Variants in ARHGAP21 observed in about 807,000 individuals in gnomAD.
ARHGAP21 encodes the protein rho GTPase-activating protein 21.
ARHGAP21 carries 38 observed loss-of-function variants against 164.6 expected under a neutral mutation model. The observed-to-expected ratio is 0.23, with a 90% CI of 0.18 to 0.30. The LOEUF (loss-of-function observed/expected upper bound fraction) is 0.30. Among genes scored for constraint, ARHGAP21 ranks in the 10% least tolerant of loss-of-function variants. The probability of loss-of-function intolerance (pLI) is 1.00; values close to 1 mark genes in which losing one functional copy is unlikely to be tolerated. For synonymous variants in ARHGAP21, 766 were observed against 857.9 expected, an observed-to-expected ratio of 0.89 and a Z score of 1.87; for missense variants, 1,822 against 2,370.7, an observed-to-expected ratio of 0.77 and a Z score of 4.81.
chr10:24,592,119 T>C, intron 21 of ARHGAP21, 107 bp from the exon 22 acceptor site: 1 of 1,072,216 alleles, frequency 9.3e-7, no homozygotes. Flanking sequence ...GAAAAATAGC[T>C]TTGATGTAGA....
chr10:24,592,156 A>ATTTTTTTTTT (rs57846258), intron 21 of ARHGAP21, 144 bp from the exon 22 acceptor site: 1 of 205,774 alleles, frequency 4.9e-6, no homozygotes, highest in Non-Finnish European at 7.5e-6. Flanking sequence ...TTCTAGCAAG[A>ATTTTTTTTTT]TTTTTTTTTT....
In ARHGAP21 at chr10:24,584,637, G is replaced by C; in HGVS notation, c.5652C>G (p.Ala1884=). The stretch of plus-strand genomic sequence containing the variant: ...GAAGAGACAAAGGTGTGTCGGTCGT[G>C]GCTATTTCTCGTGTGCTTGGGTTCT... ...QTENPSTREI[A]TTDTPLSLHC... is the part of the protein sequence containing the mutation. Residue 1884 remains alanine, a synonymous_variant, in exon 26 of 26, where the codon GCC becomes GCG. Coordinates refer to ENST00000396432, the MANE Select transcript of ARHGAP21 (RefSeq NM_020824.4). 6.2e-7 allele frequency: 1 copy of C among 1,613,942 alleles called. No individual in the cohort carries two copies. Among genetic ancestry groups the C allele is most frequent in the South Asian group, 1.1e-5 (1 of 91,062 alleles).
intron 4 of ARHGAP21, among the ~76,000 whole-genome samples, chr10:24,636,838 A>G (rs1409897269): frequency 2.0e-5 from 3 of 152,208 alleles, no homozygotes; most frequent in Non-Finnish European, 2.9e-5. Context: ...TGTGTGCTAC[A>G]CTTTATTTTT....
intron 6 of ARHGAP21, among the ~76,000 whole-genome samples, chr10:24,631,880 C>G (rs530440794): frequency 2.0e-5 from 3 of 152,238 alleles, no homozygotes; most frequent in African/African-American, 7.2e-5. Context: ...AGACACACAC[C>G]AGCACGCCCA....
intron 4 of ARHGAP21, among the ~76,000 whole-genome samples, chr10:24,650,077 G>A (rs1838004023): frequency 6.6e-6 from 1 of 152,128 alleles, no homozygotes; most frequent in African/African-American, 2.4e-5. Flanking sequence ...AGTAGCCATG[G>A]GAGATGGAGT....
chr10:24,631,473 C>T (rs1170480771), intron 6 of ARHGAP21, among the ~76,000 whole-genome samples: 1 of 152,108 alleles, frequency 6.6e-6, no homozygotes, highest in African/African-American at 2.4e-5. Context: ...CATATTTTCC[C>T]CCAATACAGT....
chr10:24,695,068 A>C (rs11014203), intron 2 of ARHGAP21, among the ~76,000 whole-genome samples: 5 of 11,518 alleles, frequency 4.3e-4, no homozygotes, highest in Admixed American at 7.2e-4. Flanking sequence ...AAAAAAAAAA[A>C]AAAAAAAAAA....
At chr10:24,645,839 G>A (rs1197674575) in intron 4 of ARHGAP21, among the ~76,000 whole-genome samples, 1 of 152,132 alleles carries the variant, frequency 6.6e-6, no homozygotes, top group Non-Finnish European at 1.5e-5. Context: ...TAAGTAATAT[G>A]AGAAATGGTG....
At chr10:24,710,525 T>C (rs1016724803) in intron 2 of ARHGAP21, among the ~76,000 whole-genome samples, 18 of 152,188 alleles carry the variant, frequency 1.2e-4, no homozygotes, top group African/African-American at 3.9e-4. Context: ...ACTTGTTCAA[T>C]TGTCTGCGCT....
chr10:24,682,577 T>C (rs1004902890), intron 2 of ARHGAP21, among the ~76,000 whole-genome samples: 2 of 152,160 alleles, frequency 1.3e-5, no homozygotes, highest in Non-Finnish European at 1.5e-5. Flanking sequence ...AACTAAAGGG[T>C]TGTTTAAATT....
chr10:24,676,656 G>A (rs1442605358), intron 2 of ARHGAP21, among the ~76,000 whole-genome samples: 1 of 152,096 alleles, frequency 6.6e-6, no homozygotes, highest in Non-Finnish European at 1.5e-5. Flanking sequence ...TAACAAAACT[G>A]CACTTGTACC....
intron 25 of ARHGAP21, among the ~76,000 whole-genome samples, chr10:24,586,619 A>G (rs1397934588): frequency 1.3e-5 from 2 of 152,250 alleles, no homozygotes; most frequent in African/African-American, 4.8e-5. Flanking sequence ...TAGATACTGT[A>G]TCAGATAAGC....
chr10:24,611,724 G>GA (rs1041558037), intron 9 of ARHGAP21, among the ~76,000 whole-genome samples: 47 of 145,942 alleles, frequency 3.2e-4, no homozygotes, highest in South Asian at 1.7e-3. Context: ...AAAAAAGAAG[G>GA]AAAAAAAAAA....
At position 24,630,139 on chromosome 10, in the gene ARHGAP21, T is replaced by A. The variant is rs572996148; in HGVS notation, c.441-89A>T. ...AAACAGTTAACTCAGAAGTATTTTT[T>A]AAATTGTTTAAGAGTTTATTCTGGT... is the stretch of plus-strand genomic sequence containing the variant. On this transcript the variant is annotated intron_variant, in intron 6 of 25. Coordinates refer to ENST00000396432, the MANE Select transcript of ARHGAP21 (RefSeq NM_020824.4). The A allele has an allele frequency of 6.1e-5, 41 of 674,664 alleles. 1 individual carries two copies. The South Asian group carries it at 1.1e-3, about 18-fold the overall frequency. 41.8% of individuals were successfully genotyped at this position (674,664 alleles called of 1,614,324 possible).
At chr10:24,671,730 T>TA (rs1840720425) in intron 2 of ARHGAP21, among the ~76,000 whole-genome samples, 1 of 151,656 alleles carries the variant, frequency 6.6e-6, no homozygotes, top group Non-Finnish European at 1.5e-5. Context: ...AAAATTTTTT[T>TA]TTTTTTTTTT....
intron 7 of ARHGAP21, 22 bp downstream of exon 7, chr10:24,629,974 T>A (rs1030376217): frequency 6.7e-7 from 1 of 1,500,340 alleles, no homozygotes; most frequent in Non-Finnish European, 9.2e-7. Context: ...AAACAACTCA[T>A]ATATGAATAA....
chr10:24,592,245 T>C (rs2076366691), intron 21 of ARHGAP21, among the ~76,000 whole-genome samples: 1 of 145,700 alleles, frequency 6.9e-6, no homozygotes, highest in South Asian at 2.2e-4. Context: ...CTTACTGCAC[T>C]CTCGATAGAA....
chr10:24,651,944 G>A (rs1329722930), intron 4 of ARHGAP21, among the ~76,000 whole-genome samples: 1 of 152,094 alleles, frequency 6.6e-6, no homozygotes, highest in Non-Finnish European at 1.5e-5. Context: ...TTATTATAAA[G>A]CCACATTAAT....
At chr10:24,615,882 C>T (rs1318527129) in intron 9 of ARHGAP21, among the ~76,000 whole-genome samples, 1 of 152,188 alleles carries the variant, frequency 6.6e-6, no homozygotes, top group Non-Finnish European at 1.5e-5. Context: ...TCAAGCAATT[C>T]TCCTGCCTCC....
Sources: allele counts gnomAD v4.1 joint callset (sites outside exome capture counted in the v4.1 genomes callset), GRCh38; gene constraint gnomAD v4.1.1; transcripts MANE v1.5; gene names NCBI Gene and HGNC (gene_info 2026-07-23, HGNC 2026-07-21).